The following TAFAZZIN variants were observed in gnomAD, a reference collection of about 807,000 sequenced individuals.
TAFAZZIN encodes protein G4.5.
TAFAZZIN carries 6 observed loss-of-function variants against 27.3 expected under a neutral mutation model. That is an observed-to-expected ratio of 0.22 (90% CI 0.12 to 0.43). TAFAZZIN has a LOEUF of 0.43. Among genes scored for constraint, TAFAZZIN ranks in the 20% least tolerant of loss-of-function variants. TAFAZZIN has a pLI of 1.00. For synonymous variants in TAFAZZIN, 79 were observed against 96.2 expected, an observed-to-expected ratio of 0.82 and a Z score of 1.04; for missense variants, 127 against 244.5, an observed-to-expected ratio of 0.52 and a Z score of 3.21.
chrX:154,418,597 AAGG>A (rs2068546122), intron 5 of TAFAZZIN: 1 of 112,514 alleles, frequency 8.9e-6, no homozygotes, highest in African/African-American at 3.2e-5. Context: ...CTTCAGAAGG[AAGG>A]AGGTTTGCAT....
At chrX:154,420,405 C>A in intron 9 of TAFAZZIN, 141 bp downstream of exon 9, 1 of 816,926 alleles carries the variant, frequency 1.2e-6, no homozygotes, top group Non-Finnish European at 1.8e-6. Context: ...TAGACAGGGA[C>A]TTCCTGGCAC....
intron 3 of TAFAZZIN, 49 bp downstream of exon 3, chrX:154,413,301 C>T: frequency 1.7e-6 from 2 of 1,209,857 alleles, no homozygotes; most frequent in Non-Finnish European, 2.2e-6. Flanking sequence ...CCCCACCTGC[C>T]TCTGCCCAGA....
In TAFAZZIN at chrX:154,413,492, G is replaced by A; in HGVS notation, c.295G>A (p.Ala99Thr). ...NLKLMRWTPAAADICFTKELH... is the reference protein window; with the variant it reads ...NLKLMRWTPATADICFTKELH... ...TCTGTCCCTGCTTAGGACCCCTGCA[G>A]CTGCAGACATCTGCTTCACCAAGGA... Residue 99 changes from alanine (A) to threonine (T), a missense_variant, in exon 4 of 11, where the codon GCT becomes ACT. By Grantham distance (58) the Ala-to-Thr change is moderately conservative. Transcript: ENST00000601016. 1 of 1,212,367 alleles carries A rather than the reference G, an allele frequency of 8.2e-7. No individual in the cohort carries two copies. Among genetic ancestry groups the A allele is most frequent in the East Asian group, 3.0e-5 (1 of 33,877 alleles).
intron 5 of TAFAZZIN, among the ~76,000 whole-genome samples, chrX:154,418,009 TTGACACAAG>T (rs1278106501): frequency 1.8e-5 from 2 of 112,627 alleles, no homozygotes; most frequent in African/African-American, 6.5e-5. Context: ...TCAAAGTGAT[TTGACACAAG>T]TGACACAAGT....
At chrX:154,414,433 C>G (rs2068420754) in intron 5 of TAFAZZIN, among the ~76,000 whole-genome samples, 2 of 112,802 alleles carry the variant, frequency 1.8e-5, no homozygotes, top group Admixed American at 1.9e-4. Flanking sequence ...TGGCTCACGC[C>G]TGTAATCCCA....
In TAFAZZIN at chrX:154,411,850, C is replaced by T; in HGVS notation, c.7C>T (p.Leu3=). 1 of 1,196,184 alleles carries T rather than the reference C, an allele frequency of 8.4e-7. No individual in the cohort carries two copies. MP[L]HVKWPFPAVP... ...GGCCGCGGGCCGGGTGGGGATGCCT[C>T]TGCACGTGAAGTGGCCGTTCCCCGC... is the stretch of plus-strand genomic sequence containing the variant. Residue 3 remains leucine (L), a synonymous_variant, in exon 1 of 11, where the codon CTG becomes TTG. Transcript: ENST00000601016.
intron 3 of TAFAZZIN, 36 bp from the exon 4 acceptor site, chrX:154,413,446 C>T: frequency 2.5e-6 from 3 of 1,208,560 alleles, no homozygotes; most frequent in Non-Finnish European, 3.4e-6. Context: ...GAGCGGGGTG[C>T]AGGGGGCAGG....
Position 154,421,123 on chromosome X carries a change from C to A in TAFAZZIN, c.*119C>A. 1.5e-6 allele frequency: 1 copy of A among 659,760 alleles called. No individual in the cohort carries two copies. The highest frequency in any genetic ancestry group is 2.4e-6 in the Non-Finnish European group (1 of 418,639). The allele number at this position is 659,760 out of a possible 1,213,427, so 54.4% of individuals were successfully genotyped here. ...ATTTGTTCATAGACCCTCTCAAGTG[C>A]CCTCTCCGAGCTGGTAGGCATTCCA... On this transcript the variant is annotated 3_prime_UTR_variant, in exon 11 of 11. Coordinates refer to ENST00000601016, the MANE Select transcript of TAFAZZIN (RefSeq NM_000116.5).
intron 5 of TAFAZZIN, among the ~76,000 whole-genome samples, chrX:154,417,695 G>A (rs1325595768): frequency 8.9e-6 from 1 of 112,054 alleles, no homozygotes; most frequent in Admixed American, 9.5e-5. Context: ...CAGCCCCCTG[G>A]AGCGGTTTCT....
At chrX:154,419,684 G>A (rs782156416) in intron 6 of TAFAZZIN, 21 bp from the exon 7 acceptor site, 17 of 1,211,046 alleles carry the variant, frequency 1.4e-5, no homozygotes, top group Non-Finnish European at 1.8e-5. Context: ...CCCAAGCCTC[G>A]CCTCTGTGCT....
chrX:154,419,414 TC>T, intron 5 of TAFAZZIN, 128 bp from the exon 6 acceptor site: 1 of 692,437 alleles, frequency 1.4e-6, no homozygotes, highest in East Asian at 3.3e-5. Context: ...AGGGGGATAG[TC>T]CCCAACACAT....
intron 4 of TAFAZZIN, 77 bp downstream of exon 4, chrX:154,413,644 G>T: frequency 9.7e-7 from 1 of 1,034,778 alleles, no homozygotes. Flanking sequence ...CTGTTTTGGA[G>T]GGACCTATGG....
At chrX:154,413,014 TAAG>T (rs2068362787) in intron 2 of TAFAZZIN, 190 bp from the exon 3 acceptor site, 2 of 512,333 alleles carry the variant, frequency 3.9e-6, no homozygotes, top group Non-Finnish European at 6.8e-6. Context: ...CAGTGATTAG[TAAG>T]ATGTGGAGGG....
At chrX:154,419,148 G>A (rs1261251283) in intron 5 of TAFAZZIN, 5 of 246,186 alleles carry the variant, frequency 2.0e-5, no homozygotes, top group South Asian at 5.1e-5. Flanking sequence ...TGGCTGAAGC[G>A]GCCCAGCTGG....
intron 1 of TAFAZZIN, 46 bp downstream of exon 1, chrX:154,411,998 C>T (rs888129002): frequency 8.3e-6 from 10 of 1,199,566 alleles, no homozygotes; most frequent in African/African-American, 5.2e-5. Flanking sequence ...TACCCATGCC[C>T]GGCCGGAGGT....
At chrX:154,412,270 C>T (rs2068335047) in intron 2 of TAFAZZIN, 56 bp downstream of exon 2, 1 of 1,159,677 alleles carries the variant, frequency 8.6e-7, no homozygotes, top group African/African-American at 1.8e-5. Context: ...CGGGACGGGC[C>T]CAGCCTCGTC....
rs781924799 is a variant in TAFAZZIN at position 154,417,428 on chromosome X, G to T, written c.461-2115G>T. 2.6e-4 allele frequency among the ~76,000 whole-genome samples: 29 copies of T among 112,661 alleles called. No homozygotes were observed. The South Asian group carries it at 0.011, about 41-fold the overall frequency. ...CTGAGGGCTGGTGGTGCTGCAGTTGGGGGGGAATGGAGACCGCAGCGGGGG... is the reference window on the plus strand; with the variant it reads ...CTGAGGGCTGGTGGTGCTGCAGTTGTGGGGGAATGGAGACCGCAGCGGGGG... On this transcript the variant is annotated intron_variant, in intron 5 of 10. Transcript: ENST00000601016.
rs782614882 is a variant in TAFAZZIN, at chrX:154,411,836, G to C, written c.-8G>C. ...GCGCTGGGAGCGCCGGCCGCGGGCCGGGTGGGGATGCCTCTGCACGTGAAG... is the reference window on the plus strand; with the variant it reads ...GCGCTGGGAGCGCCGGCCGCGGGCCCGGTGGGGATGCCTCTGCACGTGAAG... On this transcript the variant is annotated 5_prime_UTR_variant, in exon 1 of 11. Transcript: ENST00000601016. The C allele has an allele frequency of 9.3e-6, 11 of 1,180,514 alleles. No homozygotes were observed. Among genetic ancestry groups the C allele is most frequent in the Non-Finnish European group, 1.1e-5 (10 of 883,907 alleles).
chrX:154,412,314 G>A (rs782644916), intron 2 of TAFAZZIN, 100 bp downstream of exon 2: 5 of 1,070,518 alleles, frequency 4.7e-6, no homozygotes, highest in Non-Finnish European at 6.2e-6. Context: ...TTTTCATGGA[G>A]CCCTGGCACT....
Sources: gnomAD v4.1 joint callset for allele counts (sites outside exome capture counted in the v4.1 genomes callset) on GRCh38, gnomAD v4.1.1 for gene constraint, MANE v1.5 for transcripts, NCBI Gene and HGNC (gene_info 2026-07-23, HGNC 2026-07-21) for gene names.